SGMS2: variants seen among roughly 807,000 people sequenced by gnomAD.
SGMS2 encodes the protein phosphatidylcholine:ceramide cholinephosphotransferase 2.
Under a neutral mutation model 43.8 loss-of-function variants are expected in SGMS2, and 21 were observed. The observed-to-expected ratio is 0.48, with a 90% CI of 0.34 to 0.69. The LOEUF is 0.69. SGMS2 is among the 30% of genes least tolerant of loss of function. The pLI is 0.01. For synonymous variants in SGMS2, 167 were observed against 160.6 expected (o/e 1.04, Z -0.30); for missense variants, 384 against 443.2 (o/e 0.87, Z 1.20).
rs970095647 is a variant in SGMS2 at position 107,914,625 on chromosome 4, A to G, written c.*4072A>G. The G allele has an allele frequency of 6.8e-6, 1 of 148,112 alleles. No individual in the cohort carries two copies. Among genetic ancestry groups the G allele is most frequent in the Non-Finnish European group, 1.5e-5 (1 of 67,632 alleles). The allele number at this position is 148,112 out of a possible 1,614,324, so 9.2% of individuals were successfully genotyped here. ...TTCCTGACATATATTTTTCATTATG[A>G]TATCTACTGTATGCTATTGTGATAG... On this transcript the variant is annotated 3_prime_UTR_variant, in exon 7 of 7. Transcript: ENST00000690982.
At chr4:107,830,904 C>G (rs1015727286) in intron 1 of SGMS2, among the ~76,000 whole-genome samples, 2 of 152,046 alleles carry the variant, frequency 1.3e-5, no homozygotes, top group Admixed American at 6.6e-5. Flanking sequence ...CCAAGCTTCT[C>G]CAAACACAGA....
At position 107,902,086 on chromosome 4, in the gene SGMS2, C is replaced by CTT. The variant is rs574752893; in HGVS notation, c.574-1136_574-1135dup. 9.8e-3 allele frequency among the ~76,000 whole-genome samples: 1,398 copies of CTT among 143,258 alleles called. 22 individuals carry two copies. The highest frequency in any genetic ancestry group is 0.032 in the African/African-American group (1,229 of 39,004). 94.0% of individuals were successfully genotyped at this position (143,258 alleles called of 152,430 possible). ...CATACCTGGCTAATTTTGTTTTTTCCTTTTTTTTTTTTAGTAGAGACAGGG... is the reference window on the plus strand; with the variant it reads ...CATACCTGGCTAATTTTGTTTTTTCCTTTTTTTTTTTTTTAGTAGAGACAGGG... On this transcript the variant is annotated intron_variant, in intron 4 of 6. Transcript: ENST00000690982.
Position 107,877,898 on chromosome 4 carries a change from C to CTTTCTT in SGMS2, c.-244-17403_-244-17398dup, listed in dbSNP as rs774222598. Among the ~76,000 whole-genome samples the CTTTCTT allele has an allele frequency of 4.6e-4, 65 of 142,196 alleles. 1 individual carries two copies. Among genetic ancestry groups the CTTTCTT allele is most frequent in the Non-Finnish European group, 7.3e-4 (48 of 65,662 alleles). 93.3% of individuals were successfully genotyped at this position (142,196 alleles called of 152,430 possible). On this transcript the variant is annotated intron_variant, in intron 2 of 6. Transcript: ENST00000690982. Reference sequence around the variant, plus strand: ...AAAATTTCCACCTCACTCTTTCTTTCTTTCTTTTTCTTTTCTTTTTTTTTT... The same window carrying CTTTCTT: ...AAAATTTCCACCTCACTCTTTCTTTCTTTCTTTTTCTTTTTCTTTTCTTTTTTTTTT...
intron 1 of SGMS2, among the ~76,000 whole-genome samples, chr4:107,839,565 C>T (rs1361212606): frequency 6.6e-6 from 1 of 151,978 alleles, no homozygotes; most frequent in Non-Finnish European, 1.5e-5. Context: ...GCAAATGTTT[C>T]CTAGTAACAA....
chr4:107,905,839 T>G lies in SGMS2; in HGVS notation c.727+2453T>G, dbSNP rs183919567. Reference sequence around the variant, plus strand: ...CAGCAAGGCAACTTGTGATTGATTTTATACTTTAATGAAGGCCTCTCAGTA... The same window carrying G: ...CAGCAAGGCAACTTGTGATTGATTTGATACTTTAATGAAGGCCTCTCAGTA... On this transcript the variant is annotated intron_variant, in intron 5 of 6. Transcript: ENST00000690982. Among the ~76,000 whole-genome samples, 6 of 152,354 alleles carry G rather than the reference T, an allele frequency of 3.9e-5. No homozygotes were observed. In the East Asian group the frequency reaches 1.2e-3, roughly 29 times the overall value.
intron 2 of SGMS2, among the ~76,000 whole-genome samples, chr4:107,888,042 T>C (rs1267547943): frequency 6.6e-6 from 1 of 152,150 alleles, no homozygotes; most frequent in Non-Finnish European, 1.5e-5. Context: ...GAAACTGAAC[T>C]TATCTCTCAA....
At chr4:107,867,193 C>G (rs1728193411) in intron 2 of SGMS2, 1 of 152,258 alleles carries the variant, frequency 6.6e-6, no homozygotes, top group Admixed American at 6.5e-5. Flanking sequence ...GTTCACAACA[C>G]AGATGAAGGG....
intron 4 of SGMS2, among the ~76,000 whole-genome samples, chr4:107,900,196 C>A (rs28540030): frequency 6.6e-6 from 1 of 151,874 alleles, no homozygotes; most frequent in Non-Finnish European, 1.5e-5. Context: ...GTCAGGAAAG[C>A]CTTCTTTAAT....
At chr4:107,874,604 A>AT (rs1560652349) in intron 2 of SGMS2, among the ~76,000 whole-genome samples, 1 of 152,268 alleles carries the variant, frequency 6.6e-6, no homozygotes, top group East Asian at 1.9e-4. Flanking sequence ...TTTCCAAGTG[A>AT]TTTTTTTAAG....
chr4:107,912,706 G>C lies in SGMS2; in HGVS notation c.*2153G>C, dbSNP rs1192279629. On this transcript the variant is annotated 3_prime_UTR_variant, in exon 7 of 7. Coordinates refer to ENST00000690982, the MANE Select transcript of SGMS2 (RefSeq NM_001375905.1). ...TTTAAACTTAATAAAATAAAAAATTGTGCACCAATTACTACAGATCCTTGA... is the reference window on the plus strand; with the variant it reads ...TTTAAACTTAATAAAATAAAAAATTCTGCACCAATTACTACAGATCCTTGA... The C allele has an allele frequency of 6.6e-6, 1 of 151,962 alleles. No homozygotes were observed. Among genetic ancestry groups the C allele is most frequent in the African/African-American group, 2.4e-5 (1 of 41,338 alleles). 9.4% of individuals were successfully genotyped at this position (151,962 alleles called of 1,614,324 possible).
chr4:107,881,622 A>G (rs1215782462), intron 2 of SGMS2, among the ~76,000 whole-genome samples: 1 of 152,296 alleles, frequency 6.6e-6, no homozygotes, highest in East Asian at 1.9e-4. Flanking sequence ...CATTTCAGTT[A>G]TAATTTTAGT....
intron 1 of SGMS2, among the ~76,000 whole-genome samples, chr4:107,857,959 C>T (rs915641378): frequency 4.1e-4 from 63 of 152,328 alleles, no homozygotes; most frequent in African/African-American, 1.3e-3. Flanking sequence ...GGCCTTTGGG[C>T]CAGCCCAGCC....
chr4:107,831,225 G>T (rs377103288), intron 1 of SGMS2, among the ~76,000 whole-genome samples: 8 of 152,174 alleles, frequency 5.3e-5, no homozygotes, highest in Non-Finnish European at 7.4e-5. Context: ...TAGCTTCAGC[G>T]ATATGTTGGG....
intron 2 of SGMS2, among the ~76,000 whole-genome samples, chr4:107,880,215 A>G (rs1158736587): frequency 6.6e-6 from 1 of 152,184 alleles, no homozygotes; most frequent in Non-Finnish European, 1.5e-5. Flanking sequence ...AGTGTCATCA[A>G]GATACCATCA....
intron 1 of SGMS2, among the ~76,000 whole-genome samples, chr4:107,852,296 C>G (rs1322600692): frequency 2.0e-5 from 3 of 151,648 alleles, no homozygotes; most frequent in Non-Finnish European, 2.9e-5. Context: ...CCAGGATGGT[C>G]TGGATTTCCT....
At chr4:107,849,027 T>G (rs368991931) in intron 1 of SGMS2, among the ~76,000 whole-genome samples, 3 of 152,222 alleles carry the variant, frequency 2.0e-5, no homozygotes, top group East Asian at 3.8e-4. Flanking sequence ...TAGATTCATT[T>G]TTTTTTACAT....
chr4:107,888,385 A>G (rs891548727), intron 2 of SGMS2, among the ~76,000 whole-genome samples: 18 of 152,148 alleles, frequency 1.2e-4, no homozygotes, highest in Non-Finnish European at 8.8e-5. Context: ...AAAACTTAAT[A>G]ATATGACAAC....
intron 1 of SGMS2, among the ~76,000 whole-genome samples, chr4:107,827,211 G>A (rs1725642640): frequency 1.3e-5 from 2 of 152,166 alleles, no homozygotes; most frequent in South Asian, 4.1e-4. Flanking sequence ...CACCTTTAGC[G>A]TGTTGTCTCA....
intron 2 of SGMS2, among the ~76,000 whole-genome samples, chr4:107,892,234 CAAAAAAA>C (rs34353350): frequency 1.3e-5 from 1 of 75,100 alleles, no homozygotes; most frequent in African/African-American, 5.4e-5. Flanking sequence ...ACTAAAACTC[CAAAAAAA>C]AAAAAAAAAA....
Sources: allele counts gnomAD v4.1 joint callset (sites outside exome capture counted in the v4.1 genomes callset), GRCh38; gene constraint gnomAD v4.1.1; transcripts MANE v1.5; gene names NCBI Gene and HGNC (gene_info 2026-07-23, HGNC 2026-07-21).